NRP2: variants seen among roughly 807,000 people sequenced by gnomAD.
NRP2 encodes neuropilin 2.
NRP2 carries 52 observed loss-of-function variants against 110.4 expected under a neutral mutation model. The ratio of observed to expected loss-of-function variants is 0.47; its 90% CI spans 0.38 to 0.59. The LOEUF (loss-of-function observed/expected upper bound fraction) is 0.59. Among genes scored for constraint, NRP2 ranks in the 20% least tolerant of loss-of-function variants. The pLI is 0.00. For synonymous variants in NRP2, 508 were observed against 468.9 expected, an observed-to-expected ratio of 1.08 and a Z score of -1.08; for missense variants, 1,049 against 1,203.0, an observed-to-expected ratio of 0.87 and a Z score of 1.89.
At chr2:205,792,204 T>C in intron 15 of NRP2, 31 bp from the exon 16 acceptor site, 1 of 1,465,242 alleles carries the variant, frequency 6.8e-7, no homozygotes, top group Non-Finnish European at 9.6e-7. Flanking sequence ...GAACTTGTTA[T>C]TAACTTGTTT....
At chr2:205,758,741 T>A (rs1285232159) in intron 12 of NRP2, among the ~76,000 whole-genome samples, 1 of 152,230 alleles carries the variant, frequency 6.6e-6, no homozygotes, top group African/African-American at 2.4e-5. Flanking sequence ...CTTTCAGCAA[T>A]GGAACATATT....
At chr2:205,698,207 GAAAAAAAAAAGGGTAAA>G (rs1235179271) in intron 2 of NRP2, among the ~76,000 whole-genome samples, 2 of 126,812 alleles carry the variant, frequency 1.6e-5, no homozygotes, top group Non-Finnish European at 3.4e-5. Flanking sequence ...TTTTCTTATA[GAAAAAAAAAAGGGTAAA>G]AAAAAAAAAA....
intron 3 of NRP2, among the ~76,000 whole-genome samples, chr2:205,718,446 G>A (rs1222242517): frequency 6.6e-6 from 1 of 152,230 alleles, no homozygotes; most frequent in East Asian, 1.9e-4. Flanking sequence ...GGAGCTAGGT[G>A]GCTTCAGCTT....
chr2:205,724,243 G>C (rs1330585017), intron 5 of NRP2, among the ~76,000 whole-genome samples: 1 of 152,200 alleles, frequency 6.6e-6, no homozygotes, highest in Non-Finnish European at 1.5e-5. Flanking sequence ...ATGAATGAAA[G>C]AGAGGCTAGT....
chr2:205,777,858 A>G (rs1001737504), intron 15 of NRP2: 2 of 152,218 alleles, frequency 1.3e-5, no homozygotes, highest in South Asian at 4.1e-4. Flanking sequence ...CATTCATGGC[A>G]TCTGGCAAAT....
intron 15 of NRP2, among the ~76,000 whole-genome samples, chr2:205,787,622 C>T (rs2058248997): frequency 6.6e-6 from 1 of 151,674 alleles, no homozygotes; most frequent in Non-Finnish European, 1.5e-5. Flanking sequence ...TAAGAAACTG[C>T]AGAAAAGCAA....
intron 1 of NRP2, among the ~76,000 whole-genome samples, chr2:205,696,999 A>G (rs1214364079): frequency 6.6e-6 from 1 of 152,192 alleles, no homozygotes; most frequent in Non-Finnish European, 1.5e-5. Context: ...TCTGGCCCAA[A>G]GCTGAAAGTG....
intron 12 of NRP2, chr2:205,762,177 G>A (rs1288581479): frequency 1.3e-5 from 2 of 152,194 alleles, no homozygotes; most frequent in Non-Finnish European, 2.9e-5. Context: ...TTGGATGGTT[G>A]AAGAGGCACA....
At chr2:205,697,754 T>C (rs778857616) in intron 2 of NRP2, 33 bp downstream of exon 2, 77 of 1,605,462 alleles carry the variant, frequency 4.8e-5, no homozygotes, top group Non-Finnish European at 6.3e-5. Flanking sequence ...GTGTATCCCA[T>C]CCATGAGATG....
chr2:205,744,182 G>C (rs1264749534), intron 9 of NRP2, among the ~76,000 whole-genome samples: 2 of 152,150 alleles, frequency 1.3e-5, no homozygotes, highest in African/African-American at 4.8e-5. Context: ...TCAGAAACCG[G>C]AAGTCTGACT....
chr2:205,760,172 C>G (rs2057798630), intron 12 of NRP2, among the ~76,000 whole-genome samples: 1 of 152,150 alleles, frequency 6.6e-6, no homozygotes, highest in Non-Finnish European at 1.5e-5. Context: ...TGTGATCGCG[C>G]ACAGGCAGCA....
At chr2:205,706,927 G>A (rs1422160479) in intron 2 of NRP2, among the ~76,000 whole-genome samples, 2 of 152,184 alleles carry the variant, frequency 1.3e-5, no homozygotes, top group African/African-American at 4.8e-5. Flanking sequence ...AGCTCTGTGC[G>A]CAAAACAAAC....
Position 205,686,204 on chromosome 2 carries a change from A to G in NRP2, c.73+2841A>G, listed in dbSNP as rs2056157331. The stretch of plus-strand genomic sequence containing the variant: ...TCCGCGAAGTTGGCCGCCTCCAACT[A>G]CTCCATGCTTGTGCCCTCCTCCTCC... On this transcript the variant is annotated intron_variant, in intron 1 of 16. Transcript: ENST00000357785. The surrounding 1 kb of genome is among the most constrained non-coding windows in gnomAD (Gnocchi z 4.7). Among the ~76,000 whole-genome samples the G allele has an allele frequency of 1.3e-5, 2 of 151,718 alleles. No individual in the cohort carries two copies. Among genetic ancestry groups the G allele is most frequent in the South Asian group, 4.2e-4 (2 of 4,810 alleles).
rs559933338 is a variant in NRP2, at chr2:205,697,635, C to T, written c.165C>T (p.Cys55=). The part of the protein sequence containing the change: ...YPQDYPSHQN[C]EWIVYAPEPN... ...AGGACTACCCCTCCCACCAGAACTG[C>T]GAGTGGATTGTTTACGCCCCCGAAC... is the stretch of plus-strand genomic sequence containing the variant. Residue 55 remains cysteine (C), a synonymous_variant, in exon 2 of 17, where the codon TGC becomes TGT. Coordinates refer to ENST00000357785, the MANE Select transcript of NRP2 (RefSeq NM_003872.3). 1.9e-5 allele frequency: 31 copies of T among 1,613,992 alleles called. No homozygotes were observed. The highest frequency in any genetic ancestry group is 1.4e-4 in the South Asian group (13 of 91,060).
At chr2:205,716,754 T>C (rs2056905599) in intron 3 of NRP2, among the ~76,000 whole-genome samples, 1 of 152,230 alleles carries the variant, frequency 6.6e-6, no homozygotes. Context: ...GATGTCTTTA[T>C]TTGGAACTAC....
chr2:205,707,795 T>C (rs2056711874), intron 2 of NRP2, among the ~76,000 whole-genome samples: 1 of 152,192 alleles, frequency 6.6e-6, no homozygotes, highest in South Asian at 2.1e-4. Flanking sequence ...CCAGAATTAG[T>C]GTGAACACCT....
intron 1 of NRP2, among the ~76,000 whole-genome samples, chr2:205,683,585 T>A (rs959459349): frequency 2.0e-5 from 3 of 149,626 alleles, no homozygotes; most frequent in Non-Finnish European, 4.5e-5. Context: ...TGTGTGTGTG[T>A]GAGTGTGTTT....
intron 7 of NRP2, among the ~76,000 whole-genome samples, chr2:205,730,176 G>A (rs1352271186): frequency 6.6e-6 from 1 of 152,254 alleles, no homozygotes; most frequent in African/African-American, 2.4e-5. Context: ...CCCCTGCAAG[G>A]ATGGTCTCAG....
chr2:205,770,954 T>C (rs1559360443), intron 15 of NRP2, among the ~76,000 whole-genome samples: 1 of 152,110 alleles, frequency 6.6e-6, no homozygotes, highest in Non-Finnish European at 1.5e-5. Flanking sequence ...ACACGTCCCC[T>C]CTCCATCAGT....
Sources: allele counts gnomAD v4.1 joint callset (sites outside exome capture counted in the v4.1 genomes callset), GRCh38; gene constraint gnomAD v4.1.1; non-coding constraint Gnocchi (gnomAD v3.1); transcripts MANE v1.5; gene names NCBI Gene and HGNC (gene_info 2026-07-23, HGNC 2026-07-21).